The following RAP1GAP2 variants were observed in gnomAD, a reference collection of about 807,000 sequenced individuals.
RAP1GAP2 encodes rap1 GTPase-activating protein 2.
RAP1GAP2 carries 27 observed loss-of-function variants against 95.0 expected under a neutral mutation model. The observed-to-expected ratio is 0.28, with a 90% confidence interval of 0.21 to 0.39. RAP1GAP2 has a LOEUF of 0.39. RAP1GAP2 is among the 10% of genes least tolerant of loss of function. RAP1GAP2 has a pLI of 1.00. For synonymous variants in RAP1GAP2, 373 were observed against 380.9 expected (o/e 0.98, Z 0.24); for missense variants, 771 against 970.0 (o/e 0.79, Z 2.72).
intron 16 of RAP1GAP2, among the ~76,000 whole-genome samples, chr17:3,007,800 G>C (rs952922626): frequency 3.9e-5 from 6 of 152,142 alleles, no homozygotes; most frequent in Non-Finnish European, 5.9e-5. Context: ...GAGAAGGGCA[G>C]GGGGAGTAGA....
intron 12 of RAP1GAP2, 86 bp downstream of exon 12, chr17:2,991,483 T>C (rs1448062692): frequency 1.9e-6 from 2 of 1,039,174 alleles, no homozygotes; most frequent in South Asian, 1.4e-5. Flanking sequence ...AGGGAGCACG[T>C]GTGAGTTAAA....
At chr17:2,959,960 A>G (rs1194340519) in intron 4 of RAP1GAP2, among the ~76,000 whole-genome samples, 1 of 151,962 alleles carries the variant, frequency 6.6e-6, no homozygotes, top group Non-Finnish European at 1.5e-5. Flanking sequence ...CCCTGTCTCT[A>G]CTAAAAATAG....
chr17:2,895,427 C>T (rs75237566), intron 2 of RAP1GAP2, among the ~76,000 whole-genome samples: 3,564 of 152,276 alleles, frequency 0.023, 127 homozygotes, highest in African/African-American at 0.081. Context: ...GATCTTGGTC[C>T]GCTTAACCTC....
Position 2,903,756 on chromosome 17 carries a change from G to A in RAP1GAP2, c.81-1528G>A, listed in dbSNP as rs920513494. 2.6e-5 allele frequency among the ~76,000 whole-genome samples: 2 copies of A among 77,928 alleles called. No individual in the cohort carries two copies. Among genetic ancestry groups the A allele is most frequent in the African/African-American group, 6.6e-5 (2 of 30,176 alleles). The allele number at this position is 77,928 out of a possible 152,430, so 51.1% of individuals were successfully genotyped here. ...ATGTGGCTCCCTAGTTGGCCACAGG[G>A]AGGGCTGGCTGGTCAACTGCAGGGG... On this transcript the variant is annotated intron_variant, in intron 2 of 24. Transcript: ENST00000254695. This position sits in a 1 kb window ranked among gnomAD's most constrained non-coding sequence, Gnocchi z 4.1.
intron 3 of RAP1GAP2, 140 bp downstream of exon 3, chr17:2,905,508 G>A: frequency 1.3e-6 from 1 of 768,994 alleles, no homozygotes; most frequent in Non-Finnish European, 2.1e-6. Context: ...AGGAGGTGAT[G>A]TTCAGTTAAG....
chr17:2,866,788 T>C lies in RAP1GAP2; in HGVS notation c.81-38496T>C, dbSNP rs759326604. ...CTAATTTTTATGTTTTTAGTAGAGA[T>C]GGGGTTTCACCACGTTGGCCGGGCT... On this transcript the variant is annotated intron_variant, in intron 2 of 24. Coordinates refer to ENST00000254695, the MANE Select transcript of RAP1GAP2 (RefSeq NM_015085.5). The surrounding 1 kb of genome is among the most constrained non-coding windows in gnomAD (Gnocchi z 4.0). Among the ~76,000 whole-genome samples, 4 of 151,866 alleles carry C rather than the reference T, an allele frequency of 2.6e-5. No homozygotes were observed. Among genetic ancestry groups the C allele is most frequent in the Non-Finnish European group, 5.9e-5 (4 of 67,986 alleles).
At chr17:2,924,479 G>GC (rs1345081340) in intron 3 of RAP1GAP2, among the ~76,000 whole-genome samples, 2 of 152,130 alleles carry the variant, frequency 1.3e-5, no homozygotes, top group Non-Finnish European at 2.9e-5. Context: ...AGAAGTGGGG[G>GC]TGGATGGCCA....
intron 11 of RAP1GAP2, among the ~76,000 whole-genome samples, chr17:2,991,090 C>G (rs2045736156): frequency 1.3e-5 from 2 of 152,026 alleles, no homozygotes; most frequent in Admixed American, 1.3e-4. Flanking sequence ...AGTGATCCAC[C>G]CGCCTCAGCC....
chr17:2,910,389 C>T (rs529265248), intron 3 of RAP1GAP2, among the ~76,000 whole-genome samples: 20 of 152,316 alleles, frequency 1.3e-4, no homozygotes, highest in Non-Finnish European at 4.4e-5. Context: ...GCTTGGTTGA[C>T]ACATCCCAGG....
At chr17:2,835,010 C>T (rs1004985176) in intron 2 of RAP1GAP2, among the ~76,000 whole-genome samples, 2 of 151,866 alleles carry the variant, frequency 1.3e-5, no homozygotes, top group African/African-American at 4.8e-5. Context: ...CACTCCACCT[C>T]CCAGGTTCAT....
At chr17:3,017,952 T>G in intron 17 of RAP1GAP2, 109 bp from the exon 18 acceptor site, 2 of 985,948 alleles carry the variant, frequency 2.0e-6, no homozygotes, top group South Asian at 3.3e-5. Flanking sequence ...TGTGTGTATG[T>G]GTGCACGCAT....
intron 9 of RAP1GAP2, 83 bp downstream of exon 9, chr17:2,980,448 G>T: frequency 7.2e-7 from 1 of 1,393,320 alleles, no homozygotes; most frequent in East Asian, 2.3e-5. Flanking sequence ...GGTATATCCT[G>T]GGTAGGCTCA....
chr17:2,982,836 G>A (rs1408041022), intron 10 of RAP1GAP2, among the ~76,000 whole-genome samples: 1 of 152,154 alleles, frequency 6.6e-6, no homozygotes, highest in Admixed American at 6.5e-5. Context: ...TGGAAGAGCA[G>A]CTGTATTTTC....
intron 3 of RAP1GAP2, among the ~76,000 whole-genome samples, chr17:2,919,829 A>G (rs996101030): frequency 3.9e-4 from 60 of 151,958 alleles, no homozygotes; most frequent in African/African-American, 1.3e-3. Context: ...CAGCCTCCCA[A>G]GTAGCTGGGA....
chr17:2,815,491 A>G (rs1221804059), intron 2 of RAP1GAP2, among the ~76,000 whole-genome samples: 2 of 130,392 alleles, frequency 1.5e-5, no homozygotes, highest in African/African-American at 5.6e-5. Context: ...TATTATTATT[A>G]TTATTATTGA....
chr17:2,871,597 C>A lies in RAP1GAP2; in HGVS notation c.81-33687C>A, dbSNP rs2072848981. ...ACAAAAGCTGCTTTGGAGTTGGTGC[C>A]AGCCACGGGGGTGCCAGCACGGCGT... On this transcript the variant is annotated intron_variant, in intron 2 of 24. Transcript: ENST00000254695. The surrounding 1 kb of genome is among the most constrained non-coding windows in gnomAD (Gnocchi z 5.0). Among the ~76,000 whole-genome samples, 1 of 152,198 alleles carries A rather than the reference C, an allele frequency of 6.6e-6. No individual in the cohort carries two copies. Among genetic ancestry groups the A allele is most frequent in the African/African-American group, 2.4e-5 (1 of 41,466 alleles).
At chr17:2,910,156 C>T (rs1329456366) in intron 3 of RAP1GAP2, among the ~76,000 whole-genome samples, 4 of 152,204 alleles carry the variant, frequency 2.6e-5, no homozygotes, top group Admixed American at 6.5e-5. Context: ...AACTTGAGTT[C>T]CCTGAGCATA....
intron 1 of RAP1GAP2, among the ~76,000 whole-genome samples, chr17:2,759,345 A>G (rs1188298939): frequency 1.3e-5 from 2 of 152,276 alleles, no homozygotes; most frequent in Middle Eastern, 3.4e-3. Context: ...CAGTGGCTCA[A>G]TCACAGCTCA....
intron 3 of RAP1GAP2, among the ~76,000 whole-genome samples, chr17:2,929,933 G>A (rs1048911143): frequency 3.3e-5 from 5 of 151,890 alleles, no homozygotes; most frequent in East Asian, 1.9e-4. Context: ...AGGCCTCGGC[G>A]GGGGGCAGGG....
Sources: allele counts gnomAD v4.1 joint callset (sites outside exome capture counted in the v4.1 genomes callset), GRCh38; gene constraint gnomAD v4.1.1; non-coding constraint Gnocchi (gnomAD v3.1); transcripts MANE v1.5; gene names NCBI Gene and HGNC (gene_info 2026-07-23, HGNC 2026-07-21).